Variants in ZCWPW2 observed in about 807,000 individuals in gnomAD.
The protein encoded by ZCWPW2 is zinc finger CW-type and PWWP domain containing 2.
In ZCWPW2, 45 loss-of-function variants were observed where a neutral mutation model predicts 46.6. The observed-to-expected ratio is 0.96, with a 90% CI of 0.76 to 1.24. The LOEUF is 1.24. Among genes scored for constraint, ZCWPW2 ranks in the 50% most tolerant of loss-of-function variants. The pLI is 0.00. For missense variants in ZCWPW2, 429 were observed against 403.9 expected (o/e 1.06, Z -0.53); for synonymous variants, 152 against 137.1 (o/e 1.11, Z -0.76).
chr3:28,349,295 G>T, intron 1 of ZCWPW2, 92 bp downstream of exon 1: 1 of 785,586 alleles, frequency 1.3e-6, no homozygotes, highest in Non-Finnish European at 1.5e-6. Context: ...TGTCCTTTTG[G>T]GGGGTCCCCG....
At chr3:28,362,426 A>G (rs1237346107) in intron 1 of ZCWPW2, among the ~76,000 whole-genome samples, 2 of 152,210 alleles carry the variant, frequency 1.3e-5, no homozygotes, top group Non-Finnish European at 2.9e-5. Flanking sequence ...GGGCATGAAC[A>G]GACACTTTTC....
Position 28,492,142 on chromosome 3 carries a change from A to C in ZCWPW2, c.626A>C (p.His209Pro). The change falls in exon 6 of 10, where the codon CAT becomes CCT. Residue 209 changes from histidine (H) to proline (P), a missense_variant. By Grantham distance (77) the His-to-Pro change is moderately conservative. Transcript: ENST00000383768. The part of the protein sequence containing the change: ...LSKLQDKSET[H>P]DKVAALVKKR... ...TGTCTTACAGATAAATCCGAAACAC[A>C]TGACAAAGTTGCTGCACTGGTCAAG... is the stretch of plus-strand genomic sequence containing the variant. 2 of 1,610,022 alleles carry C rather than the reference A, an allele frequency of 1.2e-6. No individual in the cohort carries two copies. Among genetic ancestry groups the C allele is most frequent in the South Asian group, 2.2e-5 (2 of 90,236 alleles).
intron 4 of ZCWPW2, among the ~76,000 whole-genome samples, chr3:28,437,825 TATTCAGAGATGGG>T (rs1218608977): frequency 6.6e-6 from 1 of 152,238 alleles, no homozygotes; most frequent in Non-Finnish European, 1.5e-5. Context: ...TTCTTGAAAG[TATTCAGAGATGGG>T]ATTCTGGGAA....
chr3:28,499,583 C>G (rs1318570597), intron 6 of ZCWPW2, among the ~76,000 whole-genome samples: 2 of 152,046 alleles, frequency 1.3e-5, no homozygotes, highest in Non-Finnish European at 2.9e-5. Flanking sequence ...CAAGAAATTT[C>G]TCCCATTCTG....
chr3:28,435,156 A>G lies in ZCWPW2; in HGVS notation c.379A>G (p.Thr127Ala), dbSNP rs1403898278. ...CPDRFKGKYV[T>A]YDPDGNVEEY... ...TGACCGTTTTAAAGGGAAATATGTA[A>G]CTTATGACCCGGATGGAAATGTTGA... Residue 127 changes from threonine to alanine, a missense_variant, in exon 4 of 10, where the codon ACT becomes GCT. Coordinates refer to ENST00000383768, the MANE Select transcript of ZCWPW2 (RefSeq NM_001040432.4). 1.2e-6 allele frequency: 2 copies of G among 1,613,250 alleles called. No homozygotes were observed. The highest frequency in any genetic ancestry group is 1.7e-6 in the Non-Finnish European group (2 of 1,179,860).
In ZCWPW2 at chr3:28,367,082, T is replaced by A. The variant is rs564867972; in HGVS notation, c.-134+17879T>A. Among the ~76,000 whole-genome samples the A allele has an allele frequency of 1.3e-3, 192 of 152,318 alleles. 1 individual carries two copies. The highest frequency in any genetic ancestry group is 2.2e-3 in the Non-Finnish European group (148 of 68,028). On this transcript the variant is annotated intron_variant, in intron 1 of 9. Transcript: ENST00000383768. ...AGCAGTCTATCAATTTTGTTGATCT[T>A]TTTAAAAGACCAGCTCCTGGCTTCA...
intron 4 of ZCWPW2, among the ~76,000 whole-genome samples, chr3:28,460,129 A>G (rs190604966): frequency 1.2e-4 from 19 of 152,270 alleles, no homozygotes; most frequent in Admixed American, 1.2e-3. Flanking sequence ...GAATTACACT[A>G]TAAAGATTTG....
At chr3:28,456,201 C>G (rs1016823184) in intron 4 of ZCWPW2, among the ~76,000 whole-genome samples, 25 of 152,144 alleles carry the variant, frequency 1.6e-4, no homozygotes, top group African/African-American at 5.3e-4. Flanking sequence ...TCCTTCACTT[C>G]CCTTGTTAGC....
intron 3 of ZCWPW2, among the ~76,000 whole-genome samples, chr3:28,434,868 C>G (rs1023028843): frequency 1.6e-4 from 24 of 151,960 alleles, no homozygotes; most frequent in Non-Finnish European, 3.1e-4. Flanking sequence ...CTTTATAATT[C>G]TTTCCTCATG....
At chr3:28,349,892 T>C (rs566023732) in intron 1 of ZCWPW2, among the ~76,000 whole-genome samples, 1 of 152,346 alleles carries the variant, frequency 6.6e-6, no homozygotes, top group South Asian at 2.1e-4. Flanking sequence ...CAAGGGTTTA[T>C]ATGAAAATTC....
intron 3 of ZCWPW2, among the ~76,000 whole-genome samples, chr3:28,417,220 G>A (rs2125744612): frequency 6.6e-6 from 1 of 152,140 alleles, no homozygotes; most frequent in Middle Eastern, 3.4e-3. Flanking sequence ...ACTACCATCA[G>A]AGAATACTAT....
chr3:28,475,120 A>C (rs1351454019), intron 4 of ZCWPW2, among the ~76,000 whole-genome samples: 1 of 152,128 alleles, frequency 6.6e-6, no homozygotes, highest in Admixed American at 6.5e-5. Flanking sequence ...CTAGGATTAC[A>C]GGCATGAGCC....
At chr3:28,420,497 T>C (rs1559497076) in intron 3 of ZCWPW2, among the ~76,000 whole-genome samples, 1 of 152,070 alleles carries the variant, frequency 6.6e-6, no homozygotes, top group Non-Finnish European at 1.5e-5. Context: ...TTTTATTCCC[T>C]TCTACATGTC....
At chr3:28,456,023 T>C (rs1214387621) in intron 4 of ZCWPW2, among the ~76,000 whole-genome samples, 1 of 152,144 alleles carries the variant, frequency 6.6e-6, no homozygotes, top group South Asian at 2.1e-4. Context: ...CTGTGAAGAA[T>C]GTCAATGGTA....
At chr3:28,510,959 C>G (rs147889328) in intron 6 of ZCWPW2, 1 of 422,160 alleles carries the variant, frequency 2.4e-6, no homozygotes, top group Non-Finnish European at 4.7e-6. Flanking sequence ...ACTAAGGGAA[C>G]CAGATTGAGT....
intron 3 of ZCWPW2, among the ~76,000 whole-genome samples, chr3:28,431,205 T>G (rs1697241945): frequency 6.6e-6 from 1 of 152,208 alleles, no homozygotes; most frequent in African/African-American, 2.4e-5. Context: ...ATAGTTACCT[T>G]AATGAAGCAA....
At chr3:28,517,152 T>C (rs896675691) in intron 8 of ZCWPW2, among the ~76,000 whole-genome samples, 1 of 152,190 alleles carries the variant, frequency 6.6e-6, no homozygotes, top group Non-Finnish European at 1.5e-5. Context: ...TTAAAACACT[T>C]TCAGAATTTC....
chr3:28,356,672 A>C (rs561320777), intron 1 of ZCWPW2, among the ~76,000 whole-genome samples: 4 of 152,312 alleles, frequency 2.6e-5, no homozygotes, highest in Non-Finnish European at 4.4e-5. Context: ...TACTATGCAG[A>C]CATAAAAAAT....
chr3:28,508,852 G>A (rs967925432), intron 6 of ZCWPW2, among the ~76,000 whole-genome samples: 1 of 151,938 alleles, frequency 6.6e-6, no homozygotes, highest in Admixed American at 6.6e-5. Context: ...ATGTCATTCC[G>A]TTTTTTAAAT....
Sources: allele counts gnomAD v4.1 joint callset (sites outside exome capture counted in the v4.1 genomes callset), GRCh38; gene constraint gnomAD v4.1.1; transcripts MANE v1.5; gene names NCBI Gene and HGNC (gene_info 2026-07-23, HGNC 2026-07-21).